The following C8orf34 variants were observed in gnomAD, a reference collection of about 807,000 sequenced individuals.
C8orf34 encodes the protein chromosome 8 open reading frame 34.
C8orf34 carries 65 observed loss-of-function variants against 68.3 expected under a neutral mutation model. The ratio of observed to expected loss-of-function variants is 0.95; its 90% CI spans 0.78 to 1.17. The LOEUF is 1.17. Ranked by LOEUF, C8orf34 falls within the 50% of genes most tolerant of loss-of-function variation. The pLI is 0.00. For missense variants in C8orf34, 664 were observed against 655.4 expected, an observed-to-expected ratio of 1.01 and a Z score of -0.14; for synonymous variants, 244 against 241.2, an observed-to-expected ratio of 1.01 and a Z score of -0.11.
intron 4 of C8orf34, among the ~76,000 whole-genome samples, chr8:68,482,249 G>C (rs1297738230): frequency 6.6e-6 from 1 of 151,918 alleles, no homozygotes; most frequent in East Asian, 1.9e-4. Context: ...CATGATTCTG[G>C]GGCCTCCCCA....
intron 8 of C8orf34, among the ~76,000 whole-genome samples, chr8:68,660,090 A>C (rs992361881): frequency 8.5e-5 from 13 of 152,290 alleles, no homozygotes; most frequent in African/African-American, 2.6e-4. Context: ...TGGGGGATTC[A>C]TCCAAGGGGA....
chr8:68,590,081 G>T (rs1390619899), intron 7 of C8orf34, among the ~76,000 whole-genome samples: 1 of 147,326 alleles, frequency 6.8e-6, no homozygotes, highest in Non-Finnish European at 1.5e-5. Flanking sequence ...AGAAAGGAAA[G>T]AATGAAAGAA....
Position 68,331,049 on chromosome 8 carries a change from G to T in C8orf34, c.37G>T (p.Ala13Ser). 2 of 1,476,598 alleles carry T rather than the reference G, an allele frequency of 1.4e-6. No individual in the cohort carries two copies. Among genetic ancestry groups the T allele is most frequent in the Non-Finnish European group, 1.8e-6 (2 of 1,125,328 alleles). The allele number at this position is 1,476,598 out of a possible 1,614,324, so 91.5% of individuals were successfully genotyped here. ...SPLASELSEL[A>S]ALRPGFRLSA... ...CCTCGCCTCGGAGTTGTCTGAGTTG[G>T]CGGCGCTGCGCCCAGGCTTCCGGCT... The change falls in exon 1 of 14, where the codon GCG becomes TCG. Residue 13 changes from alanine (A) to serine (S), a missense_variant. Transcript: ENST00000518698.
At chr8:68,488,144 T>C (rs1262991829) in intron 5 of C8orf34, 93 bp downstream of exon 5, 1 of 895,064 alleles carries the variant, frequency 1.1e-6, no homozygotes, top group Non-Finnish European at 1.7e-6. Context: ...AAACATAAAA[T>C]GTTCAAGTAT....
Position 68,818,438 on chromosome 8 carries a change from G to C in C8orf34, c.*192G>C. The C allele has an allele frequency of 1.7e-6, 1 of 587,296 alleles. No individual in the cohort carries two copies. Among genetic ancestry groups the C allele is most frequent in the East Asian group, 2.9e-5 (1 of 34,646 alleles). The allele number at this position is 587,296 out of a possible 1,614,324, so 36.4% of individuals were successfully genotyped here. Reference sequence around the variant, plus strand: ...ATCAGAGAACACTAATCCTGGCAAAGGATTGTGGGGTGGTCAGGAGGCCGG... The same window carrying C: ...ATCAGAGAACACTAATCCTGGCAAACGATTGTGGGGTGGTCAGGAGGCCGG... On this transcript the variant is annotated 3_prime_UTR_variant, in exon 14 of 14. Coordinates refer to ENST00000518698, the MANE Select transcript of C8orf34 (RefSeq NM_052958.4).
intron 1 of C8orf34, among the ~76,000 whole-genome samples, chr8:68,360,269 C>T (rs1171156708): frequency 1.3e-5 from 2 of 152,086 alleles, no homozygotes; most frequent in Non-Finnish European, 2.9e-5. Context: ...TGAAATGGTC[C>T]CAACCCCATT....
At chr8:68,676,603 A>C (rs574215296) in intron 8 of C8orf34, among the ~76,000 whole-genome samples, 1 of 152,324 alleles carries the variant, frequency 6.6e-6, no homozygotes, top group South Asian at 2.1e-4. Context: ...GCACATGGAA[A>C]AGACATATGT....
intron 12 of C8orf34, 123 bp downstream of exon 12, chr8:68,787,659 G>A: frequency 5.1e-6 from 3 of 586,182 alleles, no homozygotes; most frequent in South Asian, 2.5e-5. Context: ...GACTCTGTTA[G>A]GAAGAACATG....
intron 10 of C8orf34, among the ~76,000 whole-genome samples, chr8:68,759,569 C>T (rs1192846175): frequency 6.6e-6 from 1 of 152,122 alleles, no homozygotes; most frequent in Non-Finnish European, 1.5e-5. Flanking sequence ...TACAGAATGC[C>T]AAGAAGTACC....
chr8:68,460,020 G>T (rs934637521), intron 3 of C8orf34, among the ~76,000 whole-genome samples: 17 of 152,200 alleles, frequency 1.1e-4, no homozygotes, highest in Admixed American at 2.6e-4. Flanking sequence ...AGGGGTCAGG[G>T]AGTTCCCTTT....
intron 1 of C8orf34, among the ~76,000 whole-genome samples, chr8:68,352,656 T>A (rs1806560916): frequency 6.6e-6 from 1 of 152,110 alleles, no homozygotes; most frequent in Non-Finnish European, 1.5e-5. Context: ...TTCATTCAAA[T>A]TTGGTAATAT....
intron 5 of C8orf34, among the ~76,000 whole-genome samples, chr8:68,504,959 G>A (rs1053732684): frequency 6.6e-6 from 1 of 152,000 alleles, no homozygotes; most frequent in African/African-American, 2.4e-5. Context: ...GATTACAGGC[G>A]TGAGCCACCA....
At chr8:68,629,556 G>C (rs1022762529) in intron 7 of C8orf34, among the ~76,000 whole-genome samples, 4 of 152,026 alleles carry the variant, frequency 2.6e-5, no homozygotes, top group African/African-American at 4.8e-5. Flanking sequence ...TCAATCCTAT[G>C]TAAAGAATAA....
intron 10 of C8orf34, among the ~76,000 whole-genome samples, chr8:68,775,979 G>A (rs1585865361): frequency 1.3e-5 from 2 of 152,194 alleles, no homozygotes; most frequent in South Asian, 2.1e-4. Flanking sequence ...ACAGGGAGGG[G>A]AATAACACAC....
At chr8:68,500,265 A>G (rs574894674) in intron 5 of C8orf34, among the ~76,000 whole-genome samples, 6 of 152,330 alleles carry the variant, frequency 3.9e-5, no homozygotes, top group Admixed American at 3.9e-4. Flanking sequence ...ATATAATCAT[A>G]AGGAAACATT....
chr8:68,516,061 T>C (rs1814499680), intron 5 of C8orf34, among the ~76,000 whole-genome samples: 1 of 152,234 alleles, frequency 6.6e-6, no homozygotes, highest in South Asian at 2.1e-4. Context: ...AAACTTCCTT[T>C]TTTGAAATAG....
intron 12 of C8orf34, 34 bp from the exon 13 acceptor site, chr8:68,815,852 C>T (rs768192609): frequency 1.2e-6 from 2 of 1,613,352 alleles, no homozygotes; most frequent in South Asian, 1.1e-5. Context: ...TTTTCCTGGC[C>T]TGGCATATTA....
chr8:68,353,753 G>C (rs1185836822), intron 1 of C8orf34, among the ~76,000 whole-genome samples: 1 of 151,154 alleles, frequency 6.6e-6, no homozygotes, highest in Non-Finnish European at 1.5e-5. Context: ...AACATGTACA[G>C]ACTTTTTTCT....
At chr8:68,553,778 C>G (rs559391418) in intron 7 of C8orf34, among the ~76,000 whole-genome samples, 5 of 151,830 alleles carry the variant, frequency 3.3e-5, no homozygotes, top group Non-Finnish European at 5.9e-5. Context: ...TAACTTTTGT[C>G]AATATTTCAA....
Sources: gnomAD v4.1 joint callset for allele counts (sites outside exome capture counted in the v4.1 genomes callset) on GRCh38, gnomAD v4.1.1 for gene constraint, MANE v1.5 for transcripts, NCBI Gene and HGNC (gene_info 2026-07-23, HGNC 2026-07-21) for gene names.